Variants in TRAPPC9 observed in about 807,000 individuals in gnomAD.
TRAPPC9 encodes the protein IKK2 binding protein.
Under a neutral mutation model 124.0 loss-of-function variants are expected in TRAPPC9, and 83 were observed. The observed-to-expected ratio is 0.67, with a 90% CI of 0.56 to 0.80. The LOEUF (loss-of-function observed/expected upper bound fraction) is 0.80. TRAPPC9 is among the 30% of genes least tolerant of loss of function. The pLI is 0.00. For missense variants in TRAPPC9, 1,302 were observed against 1,508.3 expected (o/e 0.86, Z 2.27); for synonymous variants, 638 against 617.5 (o/e 1.03, Z -0.49).
chr8:139,909,155 G>A (rs199986068), intron 20 of TRAPPC9, among the ~76,000 whole-genome samples: 5 of 152,212 alleles, frequency 3.3e-5, no homozygotes, highest in African/African-American at 4.8e-5. Context: ...ACCACACAAC[G>A]GAGCAACGTG....
chr8:140,203,489 G>A lies in TRAPPC9; in HGVS notation c.2556+17970C>T, dbSNP rs1227090607. On this transcript the variant is annotated intron_variant, in intron 17 of 22. Transcript: ENST00000438773. ...ACAGGCTCACAGTGTTGCTCAGTGAGGCCAGGACAGTGACAGTGCTGAATG... is the reference window on the plus strand; with the variant it reads ...ACAGGCTCACAGTGTTGCTCAGTGAAGCCAGGACAGTGACAGTGCTGAATG... Among the ~76,000 whole-genome samples, 3 of 152,224 alleles carry A rather than the reference G, an allele frequency of 2.0e-5. No individual in the cohort carries two copies. In the East Asian group the frequency reaches 5.8e-4, roughly 29 times the overall value.
At chr8:139,873,210 C>T (rs563165553) in intron 21 of TRAPPC9, among the ~76,000 whole-genome samples, 80 of 152,214 alleles carry the variant, frequency 5.3e-4, no homozygotes, top group Non-Finnish European at 9.4e-4. Context: ...CCAGTCTTGA[C>T]GTTACTGCTG....
At chr8:140,245,995 A>G (rs1194269682) in intron 16 of TRAPPC9, among the ~76,000 whole-genome samples, 1 of 152,258 alleles carries the variant, frequency 6.6e-6, no homozygotes, top group African/African-American at 2.4e-5. Context: ...GACTCCCCTC[A>G]TCAACTGGTA....
chr8:140,024,142 C>A, intron 17 of TRAPPC9, 63 bp from the exon 18 acceptor site: 1 of 1,593,356 alleles, frequency 6.3e-7, no homozygotes, highest in South Asian at 1.1e-5. Flanking sequence ...TTTGATCCAC[C>A]AGGAGGCAAG....
intron 19 of TRAPPC9, among the ~76,000 whole-genome samples, chr8:139,953,437 A>G (rs1834782083): frequency 6.6e-6 from 1 of 152,240 alleles, no homozygotes; most frequent in Admixed American, 6.5e-5. Context: ...AGTTGCAGTG[A>G]GCCGAGATCG....
In TRAPPC9 at chr8:140,179,093, T is replaced by C. The variant is rs1232779146; in HGVS notation, c.2556+42366A>G. On this transcript the variant is annotated intron_variant, in intron 17 of 22. Transcript: ENST00000438773. ...GTTTTCTCCATTGTTGTAAAATTGA[T>C]TAATTTCTGATCTTTATTTTCTTCT... Among the ~76,000 whole-genome samples, 5 of 152,138 alleles carry C rather than the reference T, an allele frequency of 3.3e-5. No individual in the cohort carries two copies. In the South Asian group the frequency reaches 6.2e-4, roughly 19 times the overall value.
At chr8:140,322,665 CA>C (rs752277470) in intron 9 of TRAPPC9, among the ~76,000 whole-genome samples, 308 of 126,958 alleles carry the variant, frequency 2.4e-3, no homozygotes, top group Non-Finnish European at 2.7e-3. Flanking sequence ...CCCATCTCTA[CA>C]AAAAAAAAAA....
At chr8:140,362,714 A>G (rs1039692448) in intron 8 of TRAPPC9, among the ~76,000 whole-genome samples, 1 of 152,158 alleles carries the variant, frequency 6.6e-6, no homozygotes, top group Non-Finnish European at 1.5e-5. Flanking sequence ...TGAAGAAGAG[A>G]TTTTTTTAAA....
chr8:140,133,808 G>A (rs146874956), intron 17 of TRAPPC9, among the ~76,000 whole-genome samples: 81 of 151,348 alleles, frequency 5.4e-4, no homozygotes, highest in African/African-American at 1.9e-3. Context: ...ATTTAAAATA[G>A]TATATGGAAT....
intron 17 of TRAPPC9, among the ~76,000 whole-genome samples, chr8:140,154,056 C>T (rs1455093704): frequency 6.6e-5 from 10 of 152,144 alleles, no homozygotes; most frequent in African/African-American, 2.2e-4. Flanking sequence ...ATACAGCTGT[C>T]GACTTTGCTT....
intron 20 of TRAPPC9, among the ~76,000 whole-genome samples, chr8:139,893,450 C>G (rs1050298006): frequency 5.3e-5 from 8 of 152,238 alleles, no homozygotes; most frequent in Non-Finnish European, 1.0e-4. Context: ...GCACAATGCT[C>G]TTTCGAGCGT....
At chr8:139,754,753 G>A (rs1157784349) in intron 21 of TRAPPC9, among the ~76,000 whole-genome samples, 3 of 152,164 alleles carry the variant, frequency 2.0e-5, no homozygotes, top group African/African-American at 4.8e-5. Context: ...CCCCCACCCC[G>A]TGTCACAAGC....
At chr8:139,836,448 G>C (rs933321475) in intron 21 of TRAPPC9, among the ~76,000 whole-genome samples, 1 of 151,762 alleles carries the variant, frequency 6.6e-6, no homozygotes, top group Non-Finnish European at 1.5e-5. Flanking sequence ...ATGGGAAGCC[G>C]CTGGGGGGAC....
At chr8:140,447,447 A>G (rs977957845) in intron 2 of TRAPPC9, among the ~76,000 whole-genome samples, 6 of 152,178 alleles carry the variant, frequency 3.9e-5, no homozygotes, top group Non-Finnish European at 8.8e-5. Context: ...TTCAGACCCA[A>G]TAACACACTC....
rs143007359 is a variant in TRAPPC9, at chr8:139,801,705, G to A, written c.3056-69503C>T. Among the ~76,000 whole-genome samples the A allele has an allele frequency of 2.5e-3, 387 of 152,318 alleles. 2 individuals carry two copies. The highest frequency in any genetic ancestry group is 8.0e-3 in the African/African-American group (334 of 41,556). ...GGGTTTCAACTGCACAGTCGCAGAC[G>A]GGACCTGCCAGGAATCCGCACGAAC... On this transcript the variant is annotated intron_variant, in intron 21 of 22. Transcript: ENST00000438773.
At chr8:140,139,717 T>A (rs957682697) in intron 17 of TRAPPC9, among the ~76,000 whole-genome samples, 3 of 152,060 alleles carry the variant, frequency 2.0e-5, no homozygotes, top group African/African-American at 7.2e-5. Context: ...CAAAATAACC[T>A]ATGGTATTAG....
intron 17 of TRAPPC9, among the ~76,000 whole-genome samples, chr8:140,128,758 C>G (rs571663819): frequency 6.6e-6 from 1 of 152,248 alleles, no homozygotes; most frequent in East Asian, 1.9e-4. Flanking sequence ...GCTGCAAAAC[C>G]ACTGCTCTTT....
At chr8:140,344,357 T>C (rs967097157) in intron 9 of TRAPPC9, among the ~76,000 whole-genome samples, 3 of 152,344 alleles carry the variant, frequency 2.0e-5, no homozygotes, top group South Asian at 4.1e-4. Flanking sequence ...TGGGTCCTTC[T>C]TGTGCCCCTT....
At chr8:140,356,806 C>T (rs1476634296) in intron 9 of TRAPPC9, among the ~76,000 whole-genome samples, 1 of 149,350 alleles carries the variant, frequency 6.7e-6, no homozygotes, top group African/African-American at 2.6e-5. Flanking sequence ...GATGGGGTTT[C>T]ACTATGTTGT....
Sources: gnomAD v4.1 joint callset for allele counts (sites outside exome capture counted in the v4.1 genomes callset) on GRCh38, gnomAD v4.1.1 for gene constraint, MANE v1.5 for transcripts, NCBI Gene and HGNC (gene_info 2026-07-23, HGNC 2026-07-21) for gene names.